Variants in GPM6B observed in about 807,000 individuals in gnomAD.
The protein encoded by GPM6B is neuronal membrane glycoprotein M6-b.
GPM6B carries 4 observed loss-of-function variants against 27.2 expected under a neutral mutation model. The ratio of observed to expected loss-of-function variants is 0.15; its 90% CI spans 0.07 to 0.34. The LOEUF is 0.34. Among genes scored for constraint, GPM6B ranks in the 10% least tolerant of loss-of-function variants. The probability of loss-of-function intolerance (pLI) is 1.00; values close to 1 mark genes in which losing one functional copy is unlikely to be tolerated. For missense variants in GPM6B, 183 were observed against 261.9 expected (o/e 0.70, Z 2.08); for synonymous variants, 124 against 103.1 (o/e 1.20, Z -1.23).
intron 1 of GPM6B, among the ~76,000 whole-genome samples, chrX:13,842,722 A>T (rs1255995403): frequency 1.8e-5 from 2 of 110,416 alleles, no homozygotes; most frequent in African/African-American, 3.3e-5. Context: ...TCTACAAAAA[A>T]TTTTTTAAAA....
rs10656571 is a variant in GPM6B at position 13,846,790 on chromosome X, CTTTT to C, written c.-197-60986_-197-60983del. Among the ~76,000 whole-genome samples the C allele has an allele frequency of 2.3e-4, 20 of 85,411 alleles. No individual in the cohort carries two copies. In the East Asian group the frequency reaches 3.5e-3, roughly 15 times the overall value. 74.2% of individuals were successfully genotyped at this position (85,411 alleles called of 115,157 possible). Reference sequence around the variant, plus strand: ...TTACAGGCGTGAGCCACTGCGCCAGCTTTTTTTTTTTTTTTTTTTTAAACTTTTT... The same window carrying C: ...TTACAGGCGTGAGCCACTGCGCCAGCTTTTTTTTTTTTTTTTAAACTTTTT... On this transcript the variant is annotated intron_variant, in intron 1 of 6. Transcript: ENST00000398361.
At chrX:13,774,006 C>T (rs2048357818) in intron 7 of GPM6B, 4 of 128,829 alleles carry the variant, frequency 3.1e-5, no homozygotes, top group Non-Finnish European at 3.8e-5. Flanking sequence ...CCTTTTTCTT[C>T]AAATTTTCAT....
At chrX:13,915,387 T>C (rs1354222792) in intron 1 of GPM6B, among the ~76,000 whole-genome samples, 1 of 110,822 alleles carries the variant, frequency 9.0e-6, no homozygotes, top group African/African-American at 3.3e-5. Flanking sequence ...TGAAAACAGG[T>C]AGGAAAAATG....
intron 2 of GPM6B, among the ~76,000 whole-genome samples, chrX:13,798,184 T>C (rs1212496318): frequency 9.0e-6 from 1 of 110,738 alleles, no homozygotes; most frequent in Non-Finnish European, 1.9e-5. Flanking sequence ...CAAGACACAC[T>C]AGTAATTTAA....
intron 1 of GPM6B, among the ~76,000 whole-genome samples, chrX:13,851,398 G>A (rs1384741829): frequency 9.0e-6 from 1 of 110,584 alleles, no homozygotes; most frequent in African/African-American, 3.3e-5. Context: ...AAGGTTGAGG[G>A]GAAGATTAAA....
chrX:13,813,725 T>TC (rs755493661), intron 1 of GPM6B, among the ~76,000 whole-genome samples: 50 of 112,198 alleles, frequency 4.5e-4, no homozygotes, highest in African/African-American at 1.6e-3. Context: ...AAACCGACTC[T>TC]CCATCTTTTT....
intron 1 of GPM6B, among the ~76,000 whole-genome samples, chrX:13,916,371 G>A (rs2050428556): frequency 8.9e-6 from 1 of 111,874 alleles, no homozygotes; most frequent in South Asian, 3.8e-4. Context: ...CTCCAAAGTA[G>A]GAGACTTTGG....
chrX:13,817,300 G>T (rs1025600274), upstream of GPM6B: 6 of 754,147 alleles, frequency 8.0e-6, no homozygotes, highest in Admixed American at 1.6e-4. Flanking sequence ...TCTCAATCTC[G>T]ATCTCTCTCT....
chrX:13,906,917 C>T (rs1191445823), intron 1 of GPM6B, among the ~76,000 whole-genome samples: 1 of 111,829 alleles, frequency 8.9e-6, no homozygotes, highest in East Asian at 2.8e-4. Context: ...TTGTGTTCTC[C>T]GGTCATCTCC....
intron 1 of GPM6B, among the ~76,000 whole-genome samples, chrX:13,846,065 T>C: frequency 9.0e-6 from 1 of 111,039 alleles, no homozygotes; most frequent in East Asian, 2.8e-4. Flanking sequence ...TGCATTCCTT[T>C]CTCTCTTTCT....
intron 2 of GPM6B, among the ~76,000 whole-genome samples, chrX:13,806,394 G>A (rs190514173): frequency 1.3e-4 from 15 of 111,748 alleles, no homozygotes; most frequent in Admixed American, 2.9e-4. Context: ...GATATATCAC[G>A]TCTAATGACT....
intron 1 of GPM6B, among the ~76,000 whole-genome samples, chrX:13,878,711 A>T (rs936435776): frequency 1.8e-5 from 2 of 111,990 alleles, no homozygotes; most frequent in African/African-American, 6.5e-5. Flanking sequence ...TTAAGGTTGC[A>T]GATAGAATTA....
chrX:13,849,353 C>T (rs959335117), intron 1 of GPM6B, among the ~76,000 whole-genome samples: 22 of 112,434 alleles, frequency 2.0e-4, no homozygotes, highest in African/African-American at 6.8e-4. Context: ...TGAACTCTTA[C>T]GGCACCAACA....
At chrX:13,909,324 A>G (rs920865762) in intron 1 of GPM6B, among the ~76,000 whole-genome samples, 1 of 109,860 alleles carries the variant, frequency 9.1e-6, no homozygotes, top group African/African-American at 3.3e-5. Flanking sequence ...GGGCTTCACC[A>G]TGTTGGCAAG....
At chrX:13,872,389 C>CA (rs2049988693) in intron 1 of GPM6B, among the ~76,000 whole-genome samples, 1 of 110,143 alleles carries the variant, frequency 9.1e-6, no homozygotes, top group African/African-American at 3.3e-5. Flanking sequence ...AGGCTGGTCT[C>CA]AAACTCCTGG....
intron 1 of GPM6B, among the ~76,000 whole-genome samples, chrX:13,912,747 T>C (rs781713529): frequency 2.7e-5 from 3 of 112,344 alleles, no homozygotes; most frequent in Non-Finnish European, 5.6e-5. Context: ...GTTGGAACAT[T>C]GTAAGAAACT....
At chrX:13,855,594 T>C (rs1027714979) in intron 1 of GPM6B, among the ~76,000 whole-genome samples, 3 of 112,344 alleles carry the variant, frequency 2.7e-5, no homozygotes, top group Non-Finnish European at 5.6e-5. Context: ...ATTTTCATTT[T>C]CTAAATGCTA....
chrX:13,824,218 C>G (rs2049345218), intron 1 of GPM6B, among the ~76,000 whole-genome samples: 1 of 112,222 alleles, frequency 8.9e-6, no homozygotes, highest in Non-Finnish European at 1.9e-5. Flanking sequence ...TTTCTAAACA[C>G]TGCCAAGTGT....
chrX:13,782,772 AAG>A (rs2048541154), intron 4 of GPM6B, among the ~76,000 whole-genome samples: 2 of 63,743 alleles, frequency 3.1e-5, no homozygotes, highest in South Asian at 8.4e-4. Flanking sequence ...AAAAAAAAAA[AAG>A]AAAAAAAAAA....
Sources: allele counts gnomAD v4.1 joint callset (sites outside exome capture counted in the v4.1 genomes callset), GRCh38; gene constraint gnomAD v4.1.1; transcripts MANE v1.5; gene names NCBI Gene and HGNC (gene_info 2026-07-23, HGNC 2026-07-21).